The following ENOX2 variants were observed in gnomAD, a reference collection of about 807,000 sequenced individuals.
ENOX2 encodes the protein ecto-NOX disulfide-thiol exchanger 2, also known as APK1 antigen.
Under a neutral mutation model 45.0 loss-of-function variants are expected in ENOX2, and 36 were observed. The ratio of observed to expected loss-of-function variants is 0.80; its 90% CI spans 0.61 to 1.06. ENOX2 has a LOEUF of 1.06. Among genes scored for constraint, ENOX2 ranks in the 50% least tolerant of loss-of-function variants. The pLI is 0.00. For missense variants in ENOX2, 423 were observed against 462.5 expected (o/e 0.91, Z 0.78); for synonymous variants, 174 against 152.3 (o/e 1.14, Z -1.05).
At chrX:130,705,193 G>A (rs1443387547) in intron 3 of ENOX2, among the ~76,000 whole-genome samples, 1 of 112,074 alleles carries the variant, frequency 8.9e-6, no homozygotes, top group Non-Finnish European at 1.9e-5. Flanking sequence ...GAAGGACTGG[G>A]ACCCAATGCC....
chrX:130,718,277 G>A (rs1037265879), intron 3 of ENOX2, among the ~76,000 whole-genome samples: 3 of 112,019 alleles, frequency 2.7e-5, no homozygotes, highest in East Asian at 2.8e-4. Flanking sequence ...GCCCTAATTC[G>A]TTTACCCAGA....
intron 2 of ENOX2, among the ~76,000 whole-genome samples, chrX:130,876,966 T>C (rs183775117): frequency 3.6e-5 from 4 of 112,095 alleles, no homozygotes; most frequent in Non-Finnish European, 7.5e-5. Flanking sequence ...GGAGTAGATA[T>C]AGGGAATAGA....
At chrX:130,819,224 G>A (rs752707367) in intron 2 of ENOX2, among the ~76,000 whole-genome samples, 35 of 111,660 alleles carry the variant, frequency 3.1e-4, no homozygotes, top group Middle Eastern at 9.3e-3. Context: ...GTCAGGAAAC[G>A]AAAGATGCTG....
In ENOX2 at chrX:130,703,105, TTAAAAA is replaced by T; in HGVS notation, c.97+9_97+14del. 8.3e-7 allele frequency: 1 copy of T among 1,202,603 alleles called. No individual in the cohort carries two copies. The highest frequency in any genetic ancestry group is 1.1e-6 in the Non-Finnish European group (1 of 890,311). On this transcript the variant is annotated intron_variant, in intron 4 of 14. Transcript: ENST00000394363. ...ATAAAAATAAGCACTTGCGAGGTGA[TTAAAAA>T]TAACATACCAGGTAAAATTGGTTGT...
intron 4 of ENOX2, among the ~76,000 whole-genome samples, chrX:130,690,049 C>A (rs1466637984): frequency 9.0e-6 from 1 of 111,094 alleles, no homozygotes; most frequent in Non-Finnish European, 1.9e-5. Context: ...GTTCACTGCA[C>A]ATACAGGTTA....
intron 3 of ENOX2, among the ~76,000 whole-genome samples, chrX:130,751,927 T>C (rs2039229831): frequency 8.9e-6 from 1 of 112,036 alleles, no homozygotes; most frequent in Non-Finnish European, 1.9e-5. Context: ...CTTTTTGTTG[T>C]TGAGTTGTAA....
chrX:130,625,940 A>C (rs1373262461), intron 14 of ENOX2, among the ~76,000 whole-genome samples: 1 of 110,942 alleles, frequency 9.0e-6, no homozygotes. Flanking sequence ...ACACACACAC[A>C]CACACACACC....
chrX:130,859,572 G>A (rs2078376403), intron 2 of ENOX2, among the ~76,000 whole-genome samples: 1 of 111,843 alleles, frequency 8.9e-6, no homozygotes, highest in South Asian at 3.7e-4. Context: ...TATACTTCAG[G>A]CACAATGGAC....
At chrX:130,784,308 C>T (rs1037756663) in intron 2 of ENOX2, among the ~76,000 whole-genome samples, 38 of 111,395 alleles carry the variant, frequency 3.4e-4, no homozygotes, top group Non-Finnish European at 6.6e-4. Flanking sequence ...AGCATGGTCA[C>T]TTTACTCGTC....
At chrX:130,670,290 C>G in intron 6 of ENOX2, 92 bp from the exon 7 acceptor site, 2 of 607,905 alleles carry the variant, frequency 3.3e-6, no homozygotes, top group Non-Finnish European at 5.3e-6. Flanking sequence ...GAGAGAGAGA[C>G]ATGAAAGACT....
intron 2 of ENOX2, among the ~76,000 whole-genome samples, chrX:130,814,988 TAAGAACCTTGAAAAAA>T (rs2077456077): frequency 9.0e-6 from 1 of 111,223 alleles, no homozygotes. Flanking sequence ...GCAAGGAAGC[TAAGAACCTTGAAAAAA>T]AGGTTTGAGG....
chrX:130,753,148 CCTT>C (rs1308225627), intron 3 of ENOX2, among the ~76,000 whole-genome samples: 2 of 110,905 alleles, frequency 1.8e-5, no homozygotes, highest in Non-Finnish European at 3.8e-5. Context: ...GTTTCTCTCT[CCTT>C]CTGTCTCTCT....
In ENOX2 at chrX:130,622,695, C is replaced by T. The variant is rs965118279; in HGVS notation, c.*2619G>A. Among the ~76,000 whole-genome samples, 2 of 112,064 alleles carry T rather than the reference C, an allele frequency of 1.8e-5. No homozygotes were observed. Among genetic ancestry groups the T allele is most frequent in the African/African-American group, 6.5e-5 (2 of 30,878 alleles). On this transcript the variant is annotated 3_prime_UTR_variant, in exon 15 of 15. Transcript: ENST00000394363. ...ACTGAGACTTTGTAGGAAAAAGCAGCTTCATTAATAGATTTCTATGATGGA... is the reference window on the plus strand; with the variant it reads ...ACTGAGACTTTGTAGGAAAAAGCAGTTTCATTAATAGATTTCTATGATGGA...
At chrX:130,808,891 A>C (rs1260476061) in intron 2 of ENOX2, among the ~76,000 whole-genome samples, 3 of 112,433 alleles carry the variant, frequency 2.7e-5, no homozygotes, top group Non-Finnish European at 5.6e-5. Flanking sequence ...GAGAGACTAA[A>C]CTACTAATTT....
At chrX:130,627,890 A>C in intron 14 of ENOX2, 68 bp downstream of exon 14, 1 of 710,745 alleles carries the variant, frequency 1.4e-6, no homozygotes, top group Non-Finnish European at 2.3e-6. Context: ...ATGCTTGAGG[A>C]GAGTCAGGTC....
intron 9 of ENOX2, among the ~76,000 whole-genome samples, chrX:130,664,240 T>C (rs188424976): frequency 2.5e-4 from 28 of 112,170 alleles, no homozygotes; most frequent in Admixed American, 5.7e-4. Context: ...TTTCATGGTT[T>C]TCAAATTGTT....
intron 3 of ENOX2, among the ~76,000 whole-genome samples, chrX:130,763,971 C>T (rs754942556): frequency 7.2e-5 from 8 of 110,761 alleles, no homozygotes; most frequent in Admixed American, 9.6e-5. Context: ...AAAGAGCGTA[C>T]GCTTTTGTTG....
intron 10 of ENOX2, among the ~76,000 whole-genome samples, chrX:130,654,768 G>C (rs1276975404): frequency 1.8e-5 from 2 of 112,541 alleles, no homozygotes; most frequent in Non-Finnish European, 3.8e-5. Context: ...GAACAGGAAA[G>C]AAAATAGCTA....
At chrX:130,687,950 CAA>C (rs756652170) in intron 5 of ENOX2, among the ~76,000 whole-genome samples, 2 of 111,765 alleles carry the variant, frequency 1.8e-5, no homozygotes, top group Admixed American at 1.9e-4. Context: ...AGTCACATGT[CAA>C]AGATTCATAT....
Sources: gnomAD v4.1 joint callset for allele counts (sites outside exome capture counted in the v4.1 genomes callset) on GRCh38, gnomAD v4.1.1 for gene constraint, MANE v1.5 for transcripts, NCBI Gene and HGNC (gene_info 2026-07-23, HGNC 2026-07-21) for gene names.